The following MYO3A variants were observed in gnomAD, a reference collection of about 807,000 sequenced individuals.
MYO3A encodes myosin-IIIa.
MYO3A carries 180 observed loss-of-function variants against 192.7 expected under a neutral mutation model. The ratio of observed to expected loss-of-function variants is 0.93; its 90% confidence interval spans 0.83 to 1.06. MYO3A has a LOEUF of 1.06. MYO3A is among the 50% of genes least tolerant of loss of function. The pLI is 0.00. For synonymous variants in MYO3A, 628 were observed against 645.3 expected (o/e 0.97, Z 0.41); for missense variants, 1,896 against 1,905.0 (o/e 1.00, Z 0.09).
chr10:25,998,723 T>C (rs952040077), intron 6 of MYO3A, among the ~76,000 whole-genome samples: 3 of 152,128 alleles, frequency 2.0e-5, no homozygotes, highest in African/African-American at 7.2e-5. Flanking sequence ...AAGTATAGCA[T>C]AGATTGAAAA....
At chr10:26,036,052 G>A (rs1024874546) in intron 10 of MYO3A, among the ~76,000 whole-genome samples, 1 of 151,880 alleles carries the variant, frequency 6.6e-6, no homozygotes, top group African/African-American at 2.4e-5. Flanking sequence ...TCCTGCCTCA[G>A]CCTCCCAAGT....
intron 15 of MYO3A, among the ~76,000 whole-genome samples, chr10:26,091,012 G>T (rs922193673): frequency 2.0e-5 from 3 of 152,206 alleles, no homozygotes; most frequent in Non-Finnish European, 4.4e-5. Context: ...TAACATCCCA[G>T]CCTCTCTCTC....
chr10:26,158,480 C>T (rs1239829393), intron 26 of MYO3A, among the ~76,000 whole-genome samples: 1 of 152,022 alleles, frequency 6.6e-6, no homozygotes, highest in African/African-American at 2.4e-5. Context: ...TGGTCTCGAT[C>T]TTCTGACCTT....
At chr10:26,115,694 A>G (rs779525158) in intron 17 of MYO3A, among the ~76,000 whole-genome samples, 1 of 152,216 alleles carries the variant, frequency 6.6e-6, no homozygotes, top group Non-Finnish European at 1.5e-5. Context: ...ATAAAAATTT[A>G]GTACATCTCA....
chr10:25,935,438 C>T (rs549022728), intron 1 of MYO3A, among the ~76,000 whole-genome samples: 230 of 152,332 alleles, frequency 1.5e-3, no homozygotes, highest in African/African-American at 5.2e-3. Flanking sequence ...AAAGAATCTT[C>T]ATTTCTGGTT....
chr10:26,061,934 A>G (rs1834508002), intron 10 of MYO3A, among the ~76,000 whole-genome samples: 1 of 152,198 alleles, frequency 6.6e-6, no homozygotes, highest in East Asian at 1.9e-4. Context: ...TATATCAAAA[A>G]TGGTTATACT....
chr10:25,995,624 C>G (rs1208954538), intron 4 of MYO3A, among the ~76,000 whole-genome samples: 1 of 152,194 alleles, frequency 6.6e-6, no homozygotes, highest in Non-Finnish European at 1.5e-5. Flanking sequence ...TTTTCCCCAT[C>G]TTTGTGGTTT....
In MYO3A at chr10:25,986,980, C is replaced by T. The variant is rs186144588; in HGVS notation, c.304-9510C>T. ...CAAACCACACTATAGGCCATAGTCA[C>T]CAAAACAGCATGGTACTGATACGAA... On this transcript the variant is annotated intron_variant, in intron 4 of 34. Coordinates refer to ENST00000642920, the MANE Select transcript of MYO3A (RefSeq NM_017433.5). Among the ~76,000 whole-genome samples the T allele has an allele frequency of 1.1e-4, 17 of 152,234 alleles. No individual in the cohort carries two copies. The East Asian group carries it at 3.3e-3, about 29-fold the overall frequency.
intron 15 of MYO3A, among the ~76,000 whole-genome samples, chr10:26,090,337 A>G (rs1281364108): frequency 6.6e-6 from 1 of 152,240 alleles, no homozygotes; most frequent in East Asian, 1.9e-4. Context: ...AACCATAGAA[A>G]TAATATCATT....
chr10:26,122,804 G>A (rs1343047851), intron 18 of MYO3A, among the ~76,000 whole-genome samples: 1 of 152,002 alleles, frequency 6.6e-6, no homozygotes, highest in African/African-American at 2.4e-5. Flanking sequence ...ATCAAGACTA[G>A]TGCTTTGTTT....
At chr10:26,086,242 G>A (rs1342328127) in intron 14 of MYO3A, among the ~76,000 whole-genome samples, 2 of 152,246 alleles carry the variant, frequency 1.3e-5, no homozygotes, top group East Asian at 1.9e-4. Flanking sequence ...GCAGCAAAGG[G>A]GGAAATGCCA....
chr10:26,174,066 A>G lies in MYO3A; in HGVS notation c.3802A>G (p.Ser1268Gly). ...AAGGAAGGCCATATCAGAAAGGCCA[A>G]GCTACCCAGTGCCTTGGTTAGCTGA... The part of the protein sequence containing the change: ...LERKAISERP[S>G]YPVPWLAENE... The change falls in exon 30 of 35, where the codon AGC becomes GGC. Residue 1268 changes from serine to glycine, a missense_variant. By Grantham distance (56) the Ser-to-Gly change is moderately conservative. Coordinates refer to ENST00000642920, the MANE Select transcript of MYO3A (RefSeq NM_017433.5). The G allele has an allele frequency of 6.2e-7, 1 of 1,614,218 alleles. No homozygotes were observed. The highest frequency in any genetic ancestry group is 1.1e-5 in the South Asian group (1 of 91,076).
At chr10:26,101,989 T>C (rs2131592462) in intron 17 of MYO3A, among the ~76,000 whole-genome samples, 1 of 152,292 alleles carries the variant, frequency 6.6e-6, no homozygotes, top group East Asian at 1.9e-4. Flanking sequence ...TCCTAAAGAG[T>C]GTTTTCCAAC....
intron 32 of MYO3A, among the ~76,000 whole-genome samples, chr10:26,199,501 C>T (rs1430823376): frequency 6.6e-6 from 1 of 152,018 alleles, no homozygotes; most frequent in Non-Finnish European, 1.5e-5. Flanking sequence ...GCTCAGGAGG[C>T]AGAAGTTGCA....
rs1482067526 is a variant in MYO3A at position 26,069,424 on chromosome 10, T to C, written c.1170+540T>C. 2.0e-5 allele frequency among the ~76,000 whole-genome samples: 3 copies of C among 152,216 alleles called. No homozygotes were observed. The East Asian group carries it at 5.8e-4, about 29-fold the overall frequency. On this transcript the variant is annotated intron_variant, in intron 12 of 34. Transcript: ENST00000642920. ...CTGGTGGCTTACATATAGAATACTA[T>C]TCTGGAATTAAACAAGGTTGTTTTT... is the stretch of plus-strand genomic sequence containing the variant.
At chr10:26,058,286 A>G (rs922644548) in intron 10 of MYO3A, among the ~76,000 whole-genome samples, 1 of 151,940 alleles carries the variant, frequency 6.6e-6, no homozygotes, top group South Asian at 2.1e-4. Flanking sequence ...ATGCATTTGT[A>G]TTTCTTCCAT....
chr10:26,191,476 A>G (rs1843126153), intron 31 of MYO3A, among the ~76,000 whole-genome samples: 1 of 152,194 alleles, frequency 6.6e-6, no homozygotes, highest in Non-Finnish European at 1.5e-5. Context: ...TTTATTACTA[A>G]TCTGTACTAA....
chr10:26,212,065 T>TGCG lies in MYO3A; in HGVS notation c.*105_*107dup. ...GGCTGGCACCAGCAGGCACTGAAGC[T>TGCG]GCGGCCCTGATCTCCGCAGAGGCTG... On this transcript the variant is annotated 3_prime_UTR_variant, in exon 35 of 35. Coordinates refer to ENST00000642920, the MANE Select transcript of MYO3A (RefSeq NM_017433.5). The TGCG allele has an allele frequency of 6.8e-7, 1 of 1,479,934 alleles. No individual in the cohort carries two copies. The highest frequency in any genetic ancestry group is 1.3e-5 in the South Asian group (1 of 75,394). The allele number at this position is 1,479,934 out of a possible 1,614,324, so 91.7% of individuals were successfully genotyped here.
At chr10:26,080,464 T>G (rs1293004021) in intron 14 of MYO3A, among the ~76,000 whole-genome samples, 1 of 151,990 alleles carries the variant, frequency 6.6e-6, no homozygotes, top group African/African-American at 2.4e-5. Context: ...TGTATTGAGC[T>G]TCACCTTTCT....
Sources: gnomAD v4.1 joint callset for allele counts (sites outside exome capture counted in the v4.1 genomes callset) on GRCh38, gnomAD v4.1.1 for gene constraint, MANE v1.5 for transcripts, NCBI Gene and HGNC (gene_info 2026-07-23, HGNC 2026-07-21) for gene names.